The following ESR1 variants were observed in gnomAD, a reference collection of about 807,000 sequenced individuals.
ESR1 encodes estrogen receptor.
Under a neutral mutation model 52.7 loss-of-function variants are expected in ESR1, and 12 were observed. The observed-to-expected ratio is 0.23, with a 90% CI of 0.15 to 0.37. The LOEUF is 0.37. Ranked by LOEUF, ESR1 falls within the 10% of genes least tolerant of loss-of-function variation. ESR1 has a pLI of 1.00. For missense variants in ESR1, 584 were observed against 779.7 expected (o/e 0.75, Z 2.99); for synonymous variants, 305 against 316.8 (o/e 0.96, Z 0.39).
At chr6:151,726,507 T>C (rs1781855262) in intron 2 of ESR1, among the ~76,000 whole-genome samples, 1 of 152,012 alleles carries the variant, frequency 6.6e-6, no homozygotes, top group African/African-American at 2.4e-5. Context: ...AATTTTTGTG[T>C]GTGTGTTTTT....
chr6:152,021,618 A>C (rs1170511050), intron 5 of ESR1, among the ~76,000 whole-genome samples: 1 of 152,144 alleles, frequency 6.6e-6, no homozygotes, highest in East Asian at 1.9e-4. Flanking sequence ...TTATCATTAG[A>C]AAAGGGGATG....
chr6:151,854,138 G>T (rs1325245397), intron 2 of ESR1, among the ~76,000 whole-genome samples: 1 of 152,082 alleles, frequency 6.6e-6, no homozygotes, highest in African/African-American at 2.4e-5. Flanking sequence ...TATTTTAGAC[G>T]TAGGTTGCTA....
intron 4 of ESR1, among the ~76,000 whole-genome samples, chr6:151,956,839 AATAAATATATAT>A (rs1562594098): frequency 2.6e-5 from 3 of 114,242 alleles, no homozygotes; most frequent in East Asian, 3.1e-4. Context: ...TATAAATATA[AATAAATATATAT>A]ATATATATAT....
chr6:151,994,766 T>G (rs1302048025), intron 4 of ESR1, among the ~76,000 whole-genome samples: 2 of 152,088 alleles, frequency 1.3e-5, no homozygotes, highest in Non-Finnish European at 2.9e-5. Flanking sequence ...TAAATCTCAT[T>G]TTAAAAATAT....
chr6:151,986,223 A>C (rs1419978753), intron 4 of ESR1, among the ~76,000 whole-genome samples: 3 of 152,252 alleles, frequency 2.0e-5, no homozygotes, highest in African/African-American at 7.2e-5. Flanking sequence ...GTTTTGATAC[A>C]AAATTTAAGA....
intron 1 of ESR1, among the ~76,000 whole-genome samples, chr6:151,667,951 G>A (rs1028946413): frequency 6.6e-6 from 1 of 152,192 alleles, no homozygotes; most frequent in African/African-American, 2.4e-5. Context: ...TGGGCAAAAT[G>A]CCAAAGAGAT....
intron 2 of ESR1, among the ~76,000 whole-genome samples, chr6:151,771,931 G>A (rs1440149180): frequency 6.6e-6 from 1 of 152,130 alleles, no homozygotes; most frequent in African/African-American, 2.4e-5. Flanking sequence ...TACACTGCTT[G>A]ACTATTATTT....
rs1562576205 is a variant in ESR1 at position 151,943,400 on chromosome 6, CAAAAACAAAA to C, written c.761-767_761-758del. On this transcript the variant is annotated intron_variant, in intron 3 of 7. Coordinates refer to ENST00000206249, the MANE Select transcript of ESR1 (RefSeq NM_000125.4). ...ATCTTAAAAAAAAAACAAAAAAAAA[CAAAAACAAAA>C]AAAAAACCACCTTTGGGGGGAAATT... Among the ~76,000 whole-genome samples, 656 of 142,532 alleles carry C rather than the reference CAAAAACAAAA, an allele frequency of 4.6e-3. 4 individuals are homozygous for C. Among genetic ancestry groups the C allele is most frequent in the African/African-American group, 0.016 (590 of 36,746 alleles). 93.5% of individuals were successfully genotyped at this position (142,532 alleles called of 152,430 possible).
intron 1 of ESR1, among the ~76,000 whole-genome samples, chr6:151,826,679 G>C (rs1469485764): frequency 6.6e-6 from 1 of 152,168 alleles, no homozygotes; most frequent in African/African-American, 2.4e-5. Context: ...TCACTCTGTT[G>C]ATGTTGTAAA....
At chr6:151,872,864 T>C (rs1021251284) in intron 2 of ESR1, among the ~76,000 whole-genome samples, 3 of 152,162 alleles carry the variant, frequency 2.0e-5, no homozygotes, top group African/African-American at 7.2e-5. Flanking sequence ...CCTTGTACCG[T>C]TGTGGCTGGG....
chr6:151,862,881 GAA>G (rs1789145151), intron 2 of ESR1, among the ~76,000 whole-genome samples: 1 of 152,092 alleles, frequency 6.6e-6, no homozygotes, highest in South Asian at 2.1e-4. Context: ...GAAAAGAAAA[GAA>G]GATTGTAGAT....
chr6:151,964,551 G>A (rs2038037848), intron 4 of ESR1, among the ~76,000 whole-genome samples: 1 of 151,640 alleles, frequency 6.6e-6, no homozygotes, highest in South Asian at 2.1e-4. Context: ...TTGTTTATCA[G>A]GTTTTAACAG....
chr6:151,935,332 C>T (rs1278614241), intron 3 of ESR1, among the ~76,000 whole-genome samples: 1 of 152,166 alleles, frequency 6.6e-6, no homozygotes, highest in Non-Finnish European at 1.5e-5. Context: ...GATGAATAAC[C>T]AGACTTGGAA....
intron 1 of ESR1, among the ~76,000 whole-genome samples, chr6:151,831,532 C>T (rs768406814): frequency 4.6e-5 from 7 of 152,108 alleles, no homozygotes; most frequent in Non-Finnish European, 1.5e-5. Context: ...AAATAATTTG[C>T]TCTTGGGTTG....
At chr6:151,869,310 G>C (rs1790529738) in intron 2 of ESR1, among the ~76,000 whole-genome samples, 1 of 152,176 alleles carries the variant, frequency 6.6e-6, no homozygotes, top group Non-Finnish European at 1.5e-5. Context: ...TGAGCTGAAT[G>C]CTGCATGGCA....
At chr6:152,006,913 T>C (rs1250264608) in intron 4 of ESR1, among the ~76,000 whole-genome samples, 1 of 152,072 alleles carries the variant, frequency 6.6e-6, no homozygotes, top group Non-Finnish European at 1.5e-5. Context: ...CAGGGAAATG[T>C]TGCTTTTTTC....
At chr6:151,938,674 A>C (rs2034665950) in intron 3 of ESR1, among the ~76,000 whole-genome samples, 1 of 152,012 alleles carries the variant, frequency 6.6e-6, no homozygotes, top group Non-Finnish European at 1.5e-5. Flanking sequence ...CTATTGCCTG[A>C]GTTTATTGTT....
At chr6:151,860,640 A>G (rs565390082) in intron 2 of ESR1, among the ~76,000 whole-genome samples, 1 of 152,336 alleles carries the variant, frequency 6.6e-6, no homozygotes, top group Non-Finnish European at 1.5e-5. Flanking sequence ...AACAACATGG[A>G]TGAACCTGGA....
At position 152,050,466 on chromosome 6, in the gene ESR1, T is replaced by A. The variant is rs76093447; in HGVS notation, c.1236-10525T>A. Among the ~76,000 whole-genome samples, 1,475 of 152,332 alleles carry A rather than the reference T, an allele frequency of 9.7e-3. 9 individuals are homozygous for A. Among genetic ancestry groups the A allele is most frequent in the South Asian group, 0.02 (96 of 4,828 alleles). The stretch of plus-strand genomic sequence containing the variant: ...GCCATATTTTAAAAATTTCTCTTAT[T>A]TGTTTTAATTTTCTTCCATTTTTTC... On this transcript the variant is annotated intron_variant, in intron 5 of 7. Transcript: ENST00000206249.
Sources: gnomAD v4.1 joint callset for allele counts (sites outside exome capture counted in the v4.1 genomes callset) on GRCh38, gnomAD v4.1.1 for gene constraint, MANE v1.5 for transcripts, NCBI Gene and HGNC (gene_info 2026-07-23, HGNC 2026-07-21) for gene names.